Variants in KCNAB2 observed in about 807,000 individuals in gnomAD.
The protein encoded by KCNAB2 is voltage-gated potassium channel subunit beta-2.
Under a neutral mutation model 63.6 loss-of-function variants are expected in KCNAB2, and 29 were observed. The ratio of observed to expected loss-of-function variants is 0.46; its 90% CI spans 0.34 to 0.62. The LOEUF (loss-of-function observed/expected upper bound fraction) is 0.62, where lower values mean the gene tolerates loss of function less well. Ranked by LOEUF, KCNAB2 falls within the 20% of genes least tolerant of loss-of-function variation. KCNAB2 has a pLI of 0.01. For missense variants in KCNAB2, 359 were observed against 563.9 expected (o/e 0.64, Z 3.68); for synonymous variants, 222 against 224.2 (o/e 0.99, Z 0.09).
At chr1:6,004,984 A>AGTGG (rs1557920954) in intron 1 of KCNAB2, among the ~76,000 whole-genome samples, 11 of 116,576 alleles carry the variant, frequency 9.4e-5, no homozygotes, top group South Asian at 8.4e-4. Flanking sequence ...ATGAGGGTGC[A>AGTGG]GGCAGAGATC....
At chr1:6,044,988 C>T (rs975152454), upstream of KCNAB2, among the ~76,000 whole-genome samples, 3 of 152,106 alleles carry the variant, frequency 2.0e-5, no homozygotes, top group Non-Finnish European at 4.4e-5. Flanking sequence ...GAGGCGCAGG[C>T]CCCCCGACCA....
chr1:6,089,413 G>A (rs1454955092), intron 8 of KCNAB2, among the ~76,000 whole-genome samples: 1 of 152,256 alleles, frequency 6.6e-6, no homozygotes, highest in Admixed American at 6.5e-5. Context: ...TGGGATGCCT[G>A]CAGCGCCCAG....
chr1:6,040,945 C>T (rs116625492), upstream of KCNAB2, among the ~76,000 whole-genome samples: 1,383 of 152,358 alleles, frequency 9.1e-3, 15 homozygotes, highest in Non-Finnish European at 0.016. Flanking sequence ...GTTAACAGAG[C>T]GGCCGGACAG....
upstream of KCNAB2, among the ~76,000 whole-genome samples, chr1:6,030,676 ATG>A (rs1229036224): frequency 9.1e-5 from 13 of 142,632 alleles, no homozygotes; most frequent in African/African-American, 1.6e-4. Context: ...GGGTGTGTGT[ATG>A]TGTGTTTGTG....
At position 5,994,489 on chromosome 1, in the gene KCNAB2, A is replaced by G. The variant is rs1377540459; in HGVS notation, c.-53+1701A>G. Among the ~76,000 whole-genome samples the G allele has an allele frequency of 6.6e-6, 1 of 151,836 alleles. No homozygotes were observed. The highest frequency in any genetic ancestry group is 2.4e-5 in the African/African-American group (1 of 41,280). Reference sequence around the variant, plus strand: ...TTCGGGCCGCAGCACATCCCTCGAGAGCAGCATGGTAGGGGCTTCCCTGTT... The same window carrying G: ...TTCGGGCCGCAGCACATCCCTCGAGGGCAGCATGGTAGGGGCTTCCCTGTT... On this transcript the variant is annotated intron_variant, in intron 1 of 16. Coordinates refer to the KCNAB2 transcript ENST00000341524. The surrounding 1 kb of genome is among the most constrained non-coding windows in gnomAD (Gnocchi z 5.4).
chr1:6,015,435 C>T (rs1011247079), intron 1 of KCNAB2, among the ~76,000 whole-genome samples: 10 of 152,216 alleles, frequency 6.6e-5, no homozygotes, highest in African/African-American at 9.7e-5. Flanking sequence ...AACACAGCCA[C>T]GCCCTTCATT....
chr1:6,087,070 C>T lies in KCNAB2; in HGVS notation c.426-397C>T, dbSNP rs1664764672. ...GAGCCCGCCCCTGCCCCCTGGCCCA[C>T]ACCCGGCCTCCTCCAGCCTTGGCTC... On this transcript the variant is annotated intron_variant, in intron 6 of 15. Transcript: ENST00000378083. This position sits in a 1 kb window ranked among gnomAD's most constrained non-coding sequence, Gnocchi z 6.4. Among the ~76,000 whole-genome samples the T allele has an allele frequency of 6.6e-6, 1 of 152,120 alleles. No individual in the cohort carries two copies. The highest frequency in any genetic ancestry group is 1.5e-5 in the Non-Finnish European group (1 of 68,012).
chr1:6,074,746 G>A lies in KCNAB2; in HGVS notation c.300+976G>A, dbSNP rs1202728742. Among the ~76,000 whole-genome samples, 1 of 152,130 alleles carries A rather than the reference G, an allele frequency of 6.6e-6. No homozygotes were observed. The highest frequency in any genetic ancestry group is 1.5e-5 in the Non-Finnish European group (1 of 68,032). On this transcript the variant is annotated intron_variant, in intron 4 of 15. Transcript: ENST00000378083. The surrounding 1 kb of genome is among the most constrained non-coding windows in gnomAD (Gnocchi z 4.9). The stretch of plus-strand genomic sequence containing the variant: ...AGGCTGGGGCGGGCGGATCACCTGA[G>A]GTCAGGAGTTCCAGCCTGGCCAACA...
chr1:6,055,222 A>G (rs1200602833), intron 2 of KCNAB2, among the ~76,000 whole-genome samples: 2 of 152,184 alleles, frequency 1.3e-5, no homozygotes, highest in African/African-American at 4.8e-5. Flanking sequence ...GAGAGAACAT[A>G]TCTTTTATTT....
At chr1:5,993,498 A>AC (rs979503550) in intron 1 of KCNAB2, among the ~76,000 whole-genome samples, 1 of 152,112 alleles carries the variant, frequency 6.6e-6, no homozygotes, top group African/African-American at 2.4e-5. Flanking sequence ...GGCACAAAGC[A>AC]CTTCCGCACC....
rs950421008 is a variant in KCNAB2, at chr1:6,028,539, C to A, written c.-52-11978C>A. On this transcript the variant is annotated intron_variant, in intron 1 of 16. Coordinates refer to the KCNAB2 transcript ENST00000341524. This position sits in a 1 kb window ranked among gnomAD's most constrained non-coding sequence, Gnocchi z 4.0. ...GACGTCACACCTAGCCCAGAACAGCCCCCCTCTCTCCATCCCTTCTGCGAT... is the reference window on the plus strand; with the variant it reads ...GACGTCACACCTAGCCCAGAACAGCACCCCTCTCTCCATCCCTTCTGCGAT... 8.5e-5 allele frequency among the ~76,000 whole-genome samples: 13 copies of A among 152,208 alleles called. No individual in the cohort carries two copies. The highest frequency in any genetic ancestry group is 3.1e-4 in the African/African-American group (13 of 41,446).
intron 1 of KCNAB2, among the ~76,000 whole-genome samples, chr1:6,004,915 A>G (rs1657469036): frequency 7.9e-6 from 1 of 127,304 alleles, no homozygotes; most frequent in African/African-American, 3.0e-5. Context: ...GATTGCATAC[A>G]AGTGTTGCTG....
intron 2 of KCNAB2, among the ~76,000 whole-genome samples, chr1:6,056,234 G>A (rs975761766): frequency 6.6e-6 from 1 of 151,934 alleles, no homozygotes; most frequent in African/African-American, 2.4e-5. Context: ...TAGTAGAAAC[G>A]GGGTTTCACC....
In KCNAB2 at chr1:6,098,484, G is replaced by A. The variant is rs774583117; in HGVS notation, c.1159-1G>A. ...TGATTTGTTGTTGTTCTTGCACGCA[G>A]GTCCTTCCGAAACTGTCATCTTCCA... is the stretch of plus-strand genomic sequence containing the variant. On this transcript the variant is annotated splice_acceptor_variant, in intron 15 of 15. Transcript: ENST00000378083. LOFTEE classifies it high-confidence loss of function. 1 of 1,613,900 alleles carries A rather than the reference G, an allele frequency of 6.2e-7. No homozygotes were observed. Among genetic ancestry groups the A allele is most frequent in the South Asian group, 1.1e-5 (1 of 91,062 alleles).
chr1:6,030,970 C>T (rs1005224938), upstream of KCNAB2, among the ~76,000 whole-genome samples: 17 of 151,660 alleles, frequency 1.1e-4, no homozygotes, highest in African/African-American at 3.6e-4. Context: ...CAAAGTCACA[C>T]AGCAAAGGAC....
intron 1 of KCNAB2, among the ~76,000 whole-genome samples, chr1:6,011,841 C>T (rs1003959611): frequency 6.6e-6 from 1 of 152,226 alleles, no homozygotes; most frequent in Admixed American, 6.5e-5. Context: ...GGGCCCTTGC[C>T]TGTGGAGGTG....
intron 1 of KCNAB2, chr1:6,040,467 C>A: frequency 1.9e-6 from 2 of 1,049,874 alleles, no homozygotes; most frequent in Non-Finnish European, 3.0e-6. Flanking sequence ...CCTGGTTGAT[C>A]TTTTTTAACC....
intron 1 of KCNAB2, among the ~76,000 whole-genome samples, chr1:6,000,594 C>A (rs1391927915): frequency 2.0e-5 from 3 of 151,576 alleles, no homozygotes; most frequent in Admixed American, 2.0e-4. Context: ...CCCCACCCCC[C>A]GCCGCTCTGC....
In KCNAB2 at chr1:5,994,283, C is replaced by A. The variant is rs1656791854; in HGVS notation, c.-53+1495C>A. Among the ~76,000 whole-genome samples the A allele has an allele frequency of 6.6e-6, 1 of 152,232 alleles. No homozygotes were observed. The highest frequency in any genetic ancestry group is 1.5e-5 in the Non-Finnish European group (1 of 68,040). ...CGTTGCAGGTTGCAGGGTTTGGGGA[C>A]CTACGTGTGGAGAGTCACATCTGCC... On this transcript the variant is annotated intron_variant, in intron 1 of 16. Coordinates refer to the KCNAB2 transcript ENST00000341524. The surrounding 1 kb of genome is among the most constrained non-coding windows in gnomAD (Gnocchi z 5.4).
Sources: gnomAD v4.1 joint callset for allele counts (sites outside exome capture counted in the v4.1 genomes callset) on GRCh38, gnomAD v4.1.1 for gene constraint, Gnocchi (gnomAD v3.1) non-coding constraint, MANE v1.5 for transcripts, NCBI Gene and HGNC (gene_info 2026-07-23, HGNC 2026-07-21) for gene names.